MAST4: variants seen among roughly 807,000 people sequenced by gnomAD.
MAST4 encodes microtubule-associated serine/threonine-protein kinase 4.
In MAST4, 89 loss-of-function variants were observed where a neutral mutation model predicts 162.7. The ratio of observed to expected loss-of-function variants is 0.55; its 90% CI spans 0.46 to 0.65. MAST4 has a LOEUF of 0.65. Ranked by LOEUF, MAST4 falls within the 30% of genes least tolerant of loss-of-function variation. MAST4 has a pLI of 0.00. For synonymous variants in MAST4, 1,479 were observed against 1,361.1 expected, an observed-to-expected ratio of 1.09 and a Z score of -1.91; for missense variants, 3,153 against 3,374.0, an observed-to-expected ratio of 0.93 and a Z score of 1.62.
chr5:67,038,556 T>C (rs997039644), intron 4 of MAST4, among the ~76,000 whole-genome samples: 2 of 152,204 alleles, frequency 1.3e-5, no homozygotes, highest in Non-Finnish European at 2.9e-5. Context: ...TTGATGATGG[T>C]GTTGATGGAG....
chr5:66,942,355 C>T (rs1370907505), intron 4 of MAST4, among the ~76,000 whole-genome samples: 1 of 152,086 alleles, frequency 6.6e-6, no homozygotes, highest in African/African-American at 2.4e-5. Flanking sequence ...TTTGTATGTG[C>T]ATGTTTCTGA....
intron 1 of MAST4, among the ~76,000 whole-genome samples, chr5:66,676,190 C>A (rs532309379): frequency 4.4e-4 from 67 of 152,300 alleles, no homozygotes; most frequent in Middle Eastern, 3.4e-3. Flanking sequence ...CATTAGCTAT[C>A]TACAAATACA....
chr5:66,953,146 A>G (rs1162350587), intron 4 of MAST4, among the ~76,000 whole-genome samples: 1 of 152,184 alleles, frequency 6.6e-6, no homozygotes, highest in Non-Finnish European at 1.5e-5. Context: ...ACCTTCTTTG[A>G]AAGTTTTCCT....
intron 10 of MAST4, among the ~76,000 whole-genome samples, chr5:67,108,817 G>A (rs1042134543): frequency 4.6e-5 from 7 of 152,022 alleles, no homozygotes; most frequent in African/African-American, 1.4e-4. Flanking sequence ...CATGGGGTAC[G>A]GGATTGTTCC....
intron 18 of MAST4, among the ~76,000 whole-genome samples, chr5:67,135,681 T>G (rs1769542731): frequency 6.6e-6 from 1 of 152,248 alleles, no homozygotes; most frequent in African/African-American, 2.4e-5. Flanking sequence ...ACTAGGCTGT[T>G]TTCTGATATA....
chr5:67,020,723 A>T (rs553876975), intron 4 of MAST4, among the ~76,000 whole-genome samples: 29 of 152,226 alleles, frequency 1.9e-4, no homozygotes, highest in Non-Finnish European at 3.8e-4. Flanking sequence ...CATCTCACCT[A>T]TGATACTTGG....
chr5:66,971,574 T>A (rs958720892), intron 4 of MAST4, among the ~76,000 whole-genome samples: 2 of 152,228 alleles, frequency 1.3e-5, no homozygotes, highest in East Asian at 3.8e-4. Context: ...CAGCTCAAGA[T>A]GATTGATTAC....
At chr5:67,103,408 T>A (rs988504943) in intron 9 of MAST4, among the ~76,000 whole-genome samples, 1 of 152,254 alleles carries the variant, frequency 6.6e-6, no homozygotes, top group African/African-American at 2.4e-5. Flanking sequence ...CCAACATTGA[T>A]GTCATTGATT....
intron 4 of MAST4, among the ~76,000 whole-genome samples, chr5:67,004,151 G>C (rs910581217): frequency 6.6e-5 from 10 of 152,162 alleles, no homozygotes; most frequent in African/African-American, 2.4e-4. Context: ...GCTCCGGGGA[G>C]GGGGAGCGGC....
intron 3 of MAST4, among the ~76,000 whole-genome samples, chr5:66,867,306 AC>A (rs1195471554): frequency 7.2e-5 from 11 of 152,324 alleles, no homozygotes; most frequent in African/African-American, 2.6e-4. Flanking sequence ...GATGTTAGCA[AC>A]TAAATTCACT....
intron 6 of MAST4, 71 bp downstream of exon 6, chr5:67,090,302 C>T (rs1763690616): frequency 3.7e-6 from 4 of 1,069,362 alleles, no homozygotes; most frequent in Non-Finnish European, 1.4e-6. Flanking sequence ...CCTCTCCCCA[C>T]TTCTCCCCCT....
At position 66,789,988 on chromosome 5, in the gene MAST4, A is replaced by ATTTTTTT. The variant is rs57743987; in HGVS notation, c.642+1218_642+1224dup. Among the ~76,000 whole-genome samples the ATTTTTTT allele has an allele frequency of 3.0e-3, 159 of 52,454 alleles. 14 individuals are homozygous for ATTTTTTT. The highest frequency in any genetic ancestry group is 0.011 in the African/African-American group (100 of 8,736). 34.4% of individuals were successfully genotyped at this position (52,454 alleles called of 152,430 possible). A position where few individuals can be genotyped will look rare whatever the true frequency, so the allele number is the denominator to read the frequency against. On this transcript the variant is annotated intron_variant, in intron 3 of 28. Coordinates refer to ENST00000403625, the MANE Select transcript of MAST4 (RefSeq NM_001164664.2). ...CTTTATGTTTAACATGCTTATTAGAATTTTTTTTTTTTTTTTTTTTTTTTT... is the reference window on the plus strand; with the variant it reads ...CTTTATGTTTAACATGCTTATTAGAATTTTTTTTTTTTTTTTTTTTTTTTTTTTTTTT...
intron 3 of MAST4, among the ~76,000 whole-genome samples, chr5:66,827,095 G>T (rs1414765052): frequency 4.6e-5 from 7 of 152,172 alleles, no homozygotes; most frequent in African/African-American, 1.7e-4. Flanking sequence ...AACAAGGCTG[G>T]CCCTTTCTCC....
rs139398005 is a variant in MAST4 at position 66,940,829 on chromosome 5, C to G, written c.674+40847C>G. 1.7e-3 allele frequency among the ~76,000 whole-genome samples: 257 copies of G among 152,182 alleles called. 1 individual carries two copies. In the Middle Eastern group the frequency reaches 0.02, roughly 12 times the overall value. On this transcript the variant is annotated intron_variant, in intron 4 of 28. Transcript: ENST00000403625. ...CCATTAGAGGAATCATTATAGCCGC[C>G]ATAAACTTAGGAAAAATATTTCTTA...
chr5:66,823,177 TTGTAAGTTTCC>T (rs1195751782), intron 3 of MAST4, among the ~76,000 whole-genome samples: 1 of 152,200 alleles, frequency 6.6e-6, no homozygotes. Flanking sequence ...TCTGCCGTGA[TTGTAAGTTTCC>T]TGAGGCCTCC....
At position 67,144,457 on chromosome 5, in the gene MAST4, T is replaced by TACAC. The variant is rs57996757; in HGVS notation, c.2731-185_2731-182dup. 6.9e-3 allele frequency among the ~76,000 whole-genome samples: 1,029 copies of TACAC among 149,934 alleles called. 8 individuals are homozygous for TACAC. The highest frequency in any genetic ancestry group is 8.2e-3 in the Non-Finnish European group (551 of 67,278). On this transcript the variant is annotated intron_variant, in intron 21 of 28. Transcript: ENST00000403625. ...TCATAGCTCCCTATTCGTATATATG[T>TACAC]ACACACACACACACACACACACACA...
At chr5:66,748,218 T>G (rs1392193469) in intron 1 of MAST4, among the ~76,000 whole-genome samples, 1 of 151,998 alleles carries the variant, frequency 6.6e-6, no homozygotes, top group Non-Finnish European at 1.5e-5. Context: ...TCAGTTTCGT[T>G]CCTTGCCCTT....
chr5:67,050,386 G>C (rs551214399), intron 4 of MAST4, among the ~76,000 whole-genome samples: 4 of 152,282 alleles, frequency 2.6e-5, no homozygotes, highest in African/African-American at 9.6e-5. Context: ...CACCTGTTCA[G>C]CTGTGACATT....
rs752262062 is a variant in MAST4 at position 67,164,954 on chromosome 5, C to T, written c.5775C>T (p.Ser1925=). 1.9e-6 allele frequency: 3 copies of T among 1,613,942 alleles called. No homozygotes were observed. Among genetic ancestry groups the T allele is most frequent in the Non-Finnish European group, 2.5e-6 (3 of 1,179,870 alleles). ...ESNPQQREGS[S]PKHQDHTTDP... ...ATCCCCAACAGAGAGAGGGCAGCTC[C>T]CCTAAACACCAAGACCACACCACTG... The change falls in exon 29 of 29, where the codon TCC becomes TCT. Residue 1925 remains serine, a synonymous_variant. Coordinates refer to ENST00000403625, the MANE Select transcript of MAST4 (RefSeq NM_001164664.2). This position sits in a 1 kb window ranked among gnomAD's most constrained non-coding sequence, Gnocchi z 5.3.
Sources: gnomAD v4.1 joint callset for allele counts (sites outside exome capture counted in the v4.1 genomes callset) on GRCh38, gnomAD v4.1.1 for gene constraint, Gnocchi (gnomAD v3.1) non-coding constraint, MANE v1.5 for transcripts, NCBI Gene and HGNC (gene_info 2026-07-23, HGNC 2026-07-21) for gene names.